The following CCDC85A variants were observed in gnomAD, a reference collection of about 807,000 sequenced individuals.
CCDC85A encodes the protein coiled-coil domain containing 85A.
Under a neutral mutation model 50.2 loss-of-function variants are expected in CCDC85A, and 38 were observed. The ratio of observed to expected loss-of-function variants is 0.76; its 90% CI spans 0.58 to 0.99. The LOEUF (loss-of-function observed/expected upper bound fraction) is 0.99, where lower values mean the gene tolerates loss of function less well. Ranked by LOEUF, CCDC85A falls within the 50% of genes least tolerant of loss-of-function variation. The probability of loss-of-function intolerance (pLI) is 0.00; values close to 1 mark genes in which losing one functional copy is unlikely to be tolerated. For synonymous variants in CCDC85A, 366 were observed against 301.4 expected, an observed-to-expected ratio of 1.21 and a Z score of -2.22; for missense variants, 820 against 742.0, an observed-to-expected ratio of 1.11 and a Z score of -1.22.
intron 4 of CCDC85A, among the ~76,000 whole-genome samples, chr2:56,373,973 C>T (rs955730064): frequency 2.0e-5 from 3 of 152,056 alleles, no homozygotes; most frequent in East Asian, 3.9e-4. Flanking sequence ...AGGGTGTGTC[C>T]CTTAACCATC....
intron 2 of CCDC85A, among the ~76,000 whole-genome samples, chr2:56,201,237 G>A (rs1676735819): frequency 6.6e-6 from 1 of 151,886 alleles, no homozygotes; most frequent in South Asian, 2.1e-4. Context: ...TTCATTTTCA[G>A]CCGTATGAAG....
At chr2:56,340,663 G>A (rs567057816) in intron 2 of CCDC85A, among the ~76,000 whole-genome samples, 13 of 152,108 alleles carry the variant, frequency 8.5e-5, no homozygotes, top group African/African-American at 3.1e-4. Context: ...ATCTTTTGAG[G>A]TCGGGAGTTC....
intron 2 of CCDC85A, among the ~76,000 whole-genome samples, chr2:56,199,267 A>C (rs1363112512): frequency 6.6e-6 from 1 of 152,322 alleles, no homozygotes; most frequent in Middle Eastern, 3.4e-3. Flanking sequence ...ACAAATACAG[A>C]ATGTGTAGGG....
At chr2:56,303,157 C>T (rs188247045) in intron 2 of CCDC85A, among the ~76,000 whole-genome samples, 3 of 152,246 alleles carry the variant, frequency 2.0e-5, no homozygotes, top group Non-Finnish European at 2.9e-5. Context: ...TGCAATTCTT[C>T]GTTGACTTTT....
At chr2:56,244,192 G>T (rs1309916423) in intron 2 of CCDC85A, among the ~76,000 whole-genome samples, 1 of 152,128 alleles carries the variant, frequency 6.6e-6, no homozygotes, top group African/African-American at 2.4e-5. Flanking sequence ...CAGGTTCAGA[G>T]ATGTCTGGGA....
chr2:56,224,338 C>A (rs928279580), intron 2 of CCDC85A, among the ~76,000 whole-genome samples: 1 of 152,182 alleles, frequency 6.6e-6, no homozygotes, highest in African/African-American at 2.4e-5. Context: ...TATGCATATA[C>A]CGCATTTGAA....
intron 2 of CCDC85A, among the ~76,000 whole-genome samples, chr2:56,308,539 C>T (rs1444844809): frequency 6.6e-6 from 1 of 152,154 alleles, no homozygotes; most frequent in Non-Finnish European, 1.5e-5. Flanking sequence ...ACAACAACAA[C>T]AACAACAACA....
intron 2 of CCDC85A, among the ~76,000 whole-genome samples, chr2:56,318,582 C>T (rs143070114): frequency 1.8e-4 from 28 of 152,102 alleles, no homozygotes; most frequent in African/African-American, 5.8e-4. Flanking sequence ...CTGGAACATT[C>T]AAATATTTAT....
chr2:56,345,316 G>A (rs1048668243), intron 3 of CCDC85A, among the ~76,000 whole-genome samples: 1 of 152,052 alleles, frequency 6.6e-6, no homozygotes, highest in African/African-American at 2.4e-5. Flanking sequence ...AAATGGTATC[G>A]GTTATACCAT....
At chr2:56,318,265 G>T (rs1259540268) in intron 2 of CCDC85A, among the ~76,000 whole-genome samples, 1 of 151,908 alleles carries the variant, frequency 6.6e-6, no homozygotes, top group East Asian at 1.9e-4. Context: ...ACTTTTCTCT[G>T]CTTGTTTCAT....
At chr2:56,336,208 G>T (rs775420859) in intron 2 of CCDC85A, among the ~76,000 whole-genome samples, 1 of 151,994 alleles carries the variant, frequency 6.6e-6, no homozygotes, top group Non-Finnish European at 1.5e-5. Context: ...AGGCTGGAGT[G>T]CAATGACACT....
At chr2:56,379,660 G>C (rs1007929289) in intron 5 of CCDC85A, 1 of 240,524 alleles carries the variant, frequency 4.2e-6, no homozygotes, top group Admixed American at 6.5e-5. Flanking sequence ...AAAACTAAAG[G>C]TTTTACAAAG....
chr2:56,288,321 A>G (rs1379292043), intron 2 of CCDC85A, among the ~76,000 whole-genome samples: 2 of 149,958 alleles, frequency 1.3e-5, no homozygotes, highest in South Asian at 2.1e-4. Context: ...TCCTTTTAGC[A>G]TCAAGATAAA....
At chr2:56,219,214 G>C (rs1362860627) in intron 2 of CCDC85A, among the ~76,000 whole-genome samples, 1 of 146,342 alleles carries the variant, frequency 6.8e-6, no homozygotes, top group Admixed American at 6.9e-5. Flanking sequence ...AGTGTGCTAT[G>C]TGTTGCATTA....
At chr2:56,234,867 A>T (rs1208840371) in intron 2 of CCDC85A, among the ~76,000 whole-genome samples, 1 of 152,204 alleles carries the variant, frequency 6.6e-6, no homozygotes, top group Non-Finnish European at 1.5e-5. Context: ...AATAATTACC[A>T]CATTATGAAA....
intron 2 of CCDC85A, among the ~76,000 whole-genome samples, chr2:56,300,902 A>G (rs546428694): frequency 5.9e-5 from 9 of 152,266 alleles, no homozygotes; most frequent in African/African-American, 2.2e-4. Context: ...TTTGAGTCAC[A>G]TTTAATCATA....
intron 2 of CCDC85A, among the ~76,000 whole-genome samples, chr2:56,292,416 A>C (rs781144137): frequency 6.6e-6 from 1 of 152,162 alleles, no homozygotes; most frequent in Non-Finnish European, 1.5e-5. Context: ...TTGATAAAGG[A>C]TACACATTTT....
At chr2:56,188,501 G>A (rs1676147688) in intron 1 of CCDC85A, among the ~76,000 whole-genome samples, 1 of 152,228 alleles carries the variant, frequency 6.6e-6, no homozygotes, top group Admixed American at 6.5e-5. Context: ...AGTAGCTGTA[G>A]CATAGTCAAA....
intron 2 of CCDC85A, among the ~76,000 whole-genome samples, chr2:56,215,480 G>A (rs1466576085): frequency 6.6e-6 from 1 of 151,792 alleles, no homozygotes; most frequent in Non-Finnish European, 1.5e-5. Context: ...ATGTTAGGGG[G>A]AAGGCATCCA....
Sources: gnomAD v4.1 joint callset for allele counts (sites outside exome capture counted in the v4.1 genomes callset) on GRCh38, gnomAD v4.1.1 for gene constraint, MANE v1.5 for transcripts, NCBI Gene and HGNC (gene_info 2026-07-23, HGNC 2026-07-21) for gene names.